NAALADL2: variants seen among roughly 807,000 people sequenced by gnomAD.
NAALADL2 encodes the protein N-acetylated alpha-linked acidic dipeptidase like 2.
A neutral mutation model predicts 87.2 loss-of-function variants in NAALADL2; 76 were observed. The ratio of observed to expected loss-of-function variants is 0.87; its 90% CI spans 0.72 to 1.05. The LOEUF (loss-of-function observed/expected upper bound fraction) is 1.05, where lower values mean the gene tolerates loss of function less well. NAALADL2 is among the 50% of genes least tolerant of loss of function. The pLI, the probability that NAALADL2 is intolerant of heterozygous loss-of-function variation, is 0.00. For synonymous variants in NAALADL2, 354 were observed against 331.0 expected, an observed-to-expected ratio of 1.07 and a Z score of -0.75; for missense variants, 1,089 against 945.8, an observed-to-expected ratio of 1.15 and a Z score of -1.99.
intron 2 of NAALADL2, among the ~76,000 whole-genome samples, chr3:174,558,263 G>A (rs765789538): frequency 9.2e-5 from 14 of 152,060 alleles, no homozygotes; most frequent in Non-Finnish European, 1.9e-4. Flanking sequence ...TTTCTACTGC[G>A]CTTGTTTCCT....
At chr3:175,145,337 G>C (rs1048773988) in intron 2 of NAALADL2, among the ~76,000 whole-genome samples, 4 of 151,920 alleles carry the variant, frequency 2.6e-5, no homozygotes, top group African/African-American at 9.7e-5. Flanking sequence ...ATTAGATTTA[G>C]ACAAATTTCT....
chr3:175,681,732 A>T (rs1735627833), intron 11 of NAALADL2, among the ~76,000 whole-genome samples: 1 of 152,314 alleles, frequency 6.6e-6, no homozygotes, highest in Admixed American at 6.5e-5. Context: ...AATGGCAATG[A>T]AGAGTTTATT....
chr3:174,704,218 C>T (rs1280440280), intron 2 of NAALADL2, among the ~76,000 whole-genome samples: 1 of 152,150 alleles, frequency 6.6e-6, no homozygotes, highest in African/African-American at 2.4e-5. Context: ...CAACTCACTA[C>T]AGTAGGACCT....
At chr3:174,734,350 T>G (rs1343327147) in intron 2 of NAALADL2, among the ~76,000 whole-genome samples, 5 of 152,202 alleles carry the variant, frequency 3.3e-5, no homozygotes, top group Admixed American at 3.3e-4. Flanking sequence ...CTAAAGAGTT[T>G]ATTTGAAGAT....
chr3:175,717,046 G>C (rs992920556), intron 11 of NAALADL2, among the ~76,000 whole-genome samples: 1 of 152,126 alleles, frequency 6.6e-6, no homozygotes, highest in Non-Finnish European at 1.5e-5. Flanking sequence ...TTGGCTTTAG[G>C]CTCTAAGTTC....
intron 1 of NAALADL2, among the ~76,000 whole-genome samples, chr3:174,528,223 A>G (rs1310407679): frequency 6.6e-6 from 1 of 152,224 alleles, no homozygotes; most frequent in Non-Finnish European, 1.5e-5. Flanking sequence ...AGTACTGAAT[A>G]AAAATGCCTA....
intron 2 of NAALADL2, chr3:175,115,047 G>A (rs1489216334): frequency 6.6e-6 from 1 of 151,556 alleles, no homozygotes; most frequent in Admixed American, 6.6e-5. Context: ...TTAAATGAAC[G>A]ATAAAGATGT....
chr3:175,259,939 C>T (rs1750727157), intron 4 of NAALADL2, among the ~76,000 whole-genome samples: 1 of 151,766 alleles, frequency 6.6e-6, no homozygotes, highest in African/African-American at 2.4e-5. Context: ...GAGGCACGAG[C>T]ATCGCTTGAA....
chr3:175,671,909 A>T (rs1486404983), intron 11 of NAALADL2, among the ~76,000 whole-genome samples: 3 of 152,086 alleles, frequency 2.0e-5, no homozygotes, highest in African/African-American at 7.2e-5. Context: ...CTAATTCATT[A>T]CTATGTTCCA....
At chr3:175,390,434 C>T (rs2149017666) in intron 5 of NAALADL2, among the ~76,000 whole-genome samples, 1 of 152,280 alleles carries the variant, frequency 6.6e-6, no homozygotes, top group South Asian at 2.1e-4. Flanking sequence ...ATTCAGGAAA[C>T]TATTCTGGTG....
At chr3:175,487,529 A>T (rs961501425) in intron 9 of NAALADL2, 1 of 456,452 alleles carries the variant, frequency 2.2e-6, no homozygotes, top group African/African-American at 2.0e-5. Flanking sequence ...TTCCTCCAGG[A>T]ACCTTAGTTC....
At chr3:175,119,016 T>G (rs143426720) in intron 2 of NAALADL2, among the ~76,000 whole-genome samples, 1,628 of 151,400 alleles carry the variant, frequency 0.011, 20 homozygotes, top group Non-Finnish European at 0.017. Flanking sequence ...ATTAACTTTG[T>G]TTCATTTACA....
chr3:175,685,629 G>A (rs73881349), intron 11 of NAALADL2, among the ~76,000 whole-genome samples: 6,584 of 152,106 alleles, frequency 0.043, 495 homozygotes, highest in African/African-American at 0.15. Flanking sequence ...TGAAGACCCA[G>A]GAGAGCCAAT....
rs148220220 is a variant in NAALADL2 at position 175,283,436 on chromosome 3, G to T, written c.939+26906G>T. Among the ~76,000 whole-genome samples the T allele has an allele frequency of 8.0e-4, 121 of 152,034 alleles. 1 individual carries two copies. The highest frequency in any genetic ancestry group is 2.8e-3 in the African/African-American group (115 of 41,482). On this transcript the variant is annotated intron_variant, in intron 4 of 13. Transcript: ENST00000454872. ...TTTACAAAATGTTTTTGTTCTGTTA[G>T]CCAGGTCTGACATGCATTTGGCACT...
chr3:175,765,239 G>A (rs930650685), intron 13 of NAALADL2, among the ~76,000 whole-genome samples: 15 of 151,938 alleles, frequency 9.9e-5, no homozygotes, highest in East Asian at 5.8e-4. Flanking sequence ...TCTTTGTAAC[G>A]CTGATCATTA....
At chr3:175,565,687 C>G (rs770204622) in intron 9 of NAALADL2, among the ~76,000 whole-genome samples, 1 of 151,902 alleles carries the variant, frequency 6.6e-6, no homozygotes, top group African/African-American at 2.4e-5. Flanking sequence ...TTTGATGGTC[C>G]CAAATCTGTT....
chr3:174,949,338 G>T (rs577167288), intron 1 of NAALADL2, among the ~76,000 whole-genome samples: 5 of 152,168 alleles, frequency 3.3e-5, no homozygotes, highest in African/African-American at 1.2e-4. Flanking sequence ...ACCTAGCCTC[G>T]AAAGTCACAT....
chr3:175,412,562 A>G (rs2149094074), intron 5 of NAALADL2, among the ~76,000 whole-genome samples: 1 of 152,292 alleles, frequency 6.6e-6, no homozygotes, highest in East Asian at 1.9e-4. Flanking sequence ...GAGCAGATTT[A>G]CATATCTCAT....
intron 9 of NAALADL2, among the ~76,000 whole-genome samples, chr3:175,504,565 T>TTCTCTCTCTC (rs200985901): frequency 1.6e-4 from 22 of 134,414 alleles, no homozygotes; most frequent in Non-Finnish European, 2.4e-4. Flanking sequence ...CTCTCTCTGT[T>TTCTCTCTCTC]TCTCTCTCTC....
Sources: gnomAD v4.1 joint callset for allele counts (sites outside exome capture counted in the v4.1 genomes callset) on GRCh38, gnomAD v4.1.1 for gene constraint, MANE v1.5 for transcripts, NCBI Gene and HGNC (gene_info 2026-07-23, HGNC 2026-07-21) for gene names.